NFIB: variants seen among roughly 807,000 people sequenced by gnomAD.
The protein encoded by NFIB is nuclear factor 1 B-type.
In NFIB, 11 loss-of-function variants were observed where a neutral mutation model predicts 61.5. That is an observed-to-expected ratio of 0.18 (90% CI 0.11 to 0.30). The LOEUF is 0.30. Among genes scored for constraint, NFIB ranks in the 10% least tolerant of loss-of-function variants. The pLI, the probability that NFIB is intolerant of heterozygous loss-of-function variation, is 1.00. For synonymous variants in NFIB, 260 were observed against 216.5 expected (o/e 1.20, Z -1.76); for missense variants, 471 against 608.9 (o/e 0.77, Z 2.38).
chr9:14,466,459 C>T, the NFIB span, among the ~76,000 whole-genome samples: 1 of 152,114 alleles, frequency 6.6e-6, no homozygotes, highest in Non-Finnish European at 1.5e-5. Flanking sequence ...ATCCTCTGGG[C>T]TCTGCGTTTG....
At chr9:14,245,233 G>A (rs1333247794) in intron 2 of NFIB, among the ~76,000 whole-genome samples, 1 of 152,062 alleles carries the variant, frequency 6.6e-6, no homozygotes, top group Non-Finnish European at 1.5e-5. Context: ...CATTTACCCA[G>A]GTGACGAAAT....
intron 1 of NFIB, among the ~76,000 whole-genome samples, chr9:14,372,673 C>G (rs1274925915): frequency 6.6e-6 from 1 of 152,048 alleles, no homozygotes; most frequent in Non-Finnish European, 1.5e-5. Flanking sequence ...TGGCTTAGTA[C>G]CTGGGGCCAG....
At position 14,293,308 on chromosome 9, in the gene NFIB, GC is replaced by G. The variant is rs1289425740; in HGVS notation, c.562+13680del. On this transcript the variant is annotated intron_variant, in intron 2 of 10. Transcript: ENST00000380953. ...CCCAGGCACATGGTCGAAAATGGCT[GC>G]AAACCACTCAATAATCCCAGCATTT... 5.3e-5 allele frequency among the ~76,000 whole-genome samples: 8 copies of G among 152,168 alleles called. 1 individual carries two copies. The highest frequency in any genetic ancestry group is 5.2e-4 in the Admixed American group (8 of 15,284).
intron 2 of NFIB, 111 bp downstream of exon 2, chr9:14,306,878 T>C: frequency 7.6e-7 from 1 of 1,319,366 alleles, no homozygotes; most frequent in Admixed American, 2.0e-5. Flanking sequence ...CCAGAGAGGG[T>C]GGAGGATATC....
chr9:14,284,867 C>A (rs1190492927), intron 2 of NFIB, among the ~76,000 whole-genome samples: 1 of 152,094 alleles, frequency 6.6e-6, no homozygotes, highest in African/African-American at 2.4e-5. Context: ...AGTTGGATTC[C>A]TAAGTATGGC....
At chr9:14,431,470 C>G in the NFIB span, among the ~76,000 whole-genome samples, 1 of 152,142 alleles carries the variant, frequency 6.6e-6, no homozygotes, top group East Asian at 1.9e-4. Context: ...ACAAGGCAGC[C>G]TTAAAATAGT....
intron 1 of NFIB, among the ~76,000 whole-genome samples, chr9:14,377,985 T>G (rs1472852214): frequency 6.6e-6 from 1 of 152,200 alleles, no homozygotes; most frequent in Non-Finnish European, 1.5e-5. Context: ...ACTCTAGTAG[T>G]GATCACTCTA....
intron 2 of NFIB, among the ~76,000 whole-genome samples, chr9:14,289,081 C>CATGTGTGTGT (rs1554703168): frequency 7.0e-6 from 1 of 142,404 alleles, no homozygotes; most frequent in African/African-American, 2.6e-5. Context: ...TTTTCCAAAG[C>CATGTGTGTGT]GTGTGTGTGT....
At chr9:14,296,080 T>G (rs1425568830) in intron 2 of NFIB, among the ~76,000 whole-genome samples, 2 of 152,236 alleles carry the variant, frequency 1.3e-5, no homozygotes, top group Admixed American at 6.5e-5. Context: ...GGACTTCGAT[T>G]TCCTCTTTGG....
chr9:14,302,875 T>C (rs2059822731), intron 2 of NFIB, among the ~76,000 whole-genome samples: 1 of 152,184 alleles, frequency 6.6e-6, no homozygotes, highest in South Asian at 2.1e-4. Context: ...ATCCTTCTTA[T>C]TAATTAACGA....
the NFIB span, among the ~76,000 whole-genome samples, chr9:14,449,971 T>A: frequency 1.3e-5 from 2 of 151,920 alleles, no homozygotes; most frequent in Admixed American, 6.6e-5. Context: ...AAAATTTTTT[T>A]TAAAAAAAAT....
At chr9:14,226,629 T>C (rs917836403) in intron 2 of NFIB, among the ~76,000 whole-genome samples, 1 of 151,962 alleles carries the variant, frequency 6.6e-6, no homozygotes, top group Non-Finnish European at 1.5e-5. Context: ...AATATAAGCA[T>C]ATATTTAAAA....
chr9:14,369,295 G>A (rs963490976), intron 1 of NFIB, among the ~76,000 whole-genome samples: 6 of 152,164 alleles, frequency 3.9e-5, no homozygotes, highest in East Asian at 1.9e-4. Context: ...GAAGCTGGTC[G>A]AAGGGCTGTT....
chr9:14,169,652 T>C (rs1233192201), intron 3 of NFIB, among the ~76,000 whole-genome samples: 1 of 152,078 alleles, frequency 6.6e-6, no homozygotes, highest in Non-Finnish European at 1.5e-5. Context: ...GAAACCCCAC[T>C]TCTCCTAAAA....
the NFIB span, among the ~76,000 whole-genome samples, chr9:14,446,713 A>G: frequency 1.3e-5 from 2 of 152,160 alleles, no homozygotes; most frequent in Non-Finnish European, 2.9e-5. Flanking sequence ...AGCTACATAA[A>G]TATATTCTGT....
chr9:14,218,107 C>T (rs62532553), intron 2 of NFIB, among the ~76,000 whole-genome samples: 10,318 of 152,058 alleles, frequency 0.068, 476 homozygotes, highest in Middle Eastern at 0.11. Flanking sequence ...CTTTGCCTAG[C>T]AAGGGAATAA....
At chr9:14,156,065 CA>C (rs1348096707) in intron 3 of NFIB, among the ~76,000 whole-genome samples, 172 bp from the exon 4 acceptor site, 1 of 152,016 alleles carries the variant, frequency 6.6e-6, no homozygotes, top group Non-Finnish European at 1.5e-5. Context: ...TTTGTTTAAA[CA>C]AAAATAAAAA....
intron 1 of NFIB, among the ~76,000 whole-genome samples, chr9:14,351,283 T>C (rs1326726897): frequency 1.3e-5 from 2 of 152,332 alleles, no homozygotes; most frequent in Middle Eastern, 3.4e-3. Context: ...TCCTTCTGAC[T>C]TTGCCGAAAG....
chr9:14,170,640 C>T (rs142185165), intron 3 of NFIB, among the ~76,000 whole-genome samples: 11 of 152,152 alleles, frequency 7.2e-5, no homozygotes, highest in South Asian at 6.2e-4. Flanking sequence ...GACCCCATCT[C>T]GGGGAGAGGG....
Sources: gnomAD v4.1 joint callset for allele counts (sites outside exome capture counted in the v4.1 genomes callset) on GRCh38, gnomAD v4.1.1 for gene constraint, MANE v1.5 for transcripts, NCBI Gene and HGNC (gene_info 2026-07-23, HGNC 2026-07-21) for gene names.